Variants in CELF4 observed in about 807,000 individuals in gnomAD.
CELF4 encodes the protein CUGBP Elav-like family member 4, also known as CUG-BP- and ETR-3-like factor 4.
Under a neutral mutation model 59.9 loss-of-function variants are expected in CELF4, and 18 were observed. The ratio of observed to expected loss-of-function variants is 0.30; its 90% CI spans 0.21 to 0.45. CELF4 has a LOEUF of 0.45. Among genes scored for constraint, CELF4 ranks in the 20% least tolerant of loss-of-function variants. CELF4 has a pLI of 1.00. For synonymous variants in CELF4, 261 were observed against 267.1 expected (o/e 0.98, Z 0.22); for missense variants, 456 against 689.0 (o/e 0.66, Z 3.79).
At chr18:37,505,916 A>C (rs2099937320) in intron 1 of CELF4, among the ~76,000 whole-genome samples, 1 of 152,152 alleles carries the variant, frequency 6.6e-6, no homozygotes, top group Admixed American at 6.5e-5. Context: ...ACCACACTGG[A>C]GCAAGTCTTT....
intron 2 of CELF4, among the ~76,000 whole-genome samples, chr18:37,362,352 C>G (rs940759195): frequency 6.6e-6 from 1 of 152,216 alleles, no homozygotes; most frequent in African/African-American, 2.4e-5. Context: ...CATCACTCCC[C>G]GGCGGCAGCC....
At chr18:37,486,579 T>G (rs1468847758) in intron 1 of CELF4, among the ~76,000 whole-genome samples, 1 of 152,200 alleles carries the variant, frequency 6.6e-6, no homozygotes, top group East Asian at 1.9e-4. Flanking sequence ...CCTGCAGATG[T>G]GGCTGAAGGT....
At chr18:37,333,578 G>A (rs930544689) in intron 2 of CELF4, among the ~76,000 whole-genome samples, 14 of 152,062 alleles carry the variant, frequency 9.2e-5, no homozygotes, top group Admixed American at 9.2e-4. Context: ...GGGAGGCCAC[G>A]CCTCATGGAG....
intron 3 of CELF4, among the ~76,000 whole-genome samples, chr18:37,292,313 C>T (rs761684392): frequency 3.3e-5 from 5 of 152,154 alleles, no homozygotes; most frequent in Non-Finnish European, 7.3e-5. Flanking sequence ...CATTCCAGTA[C>T]AGGTACATTT....
At chr18:37,535,046 C>G (rs1439990824) in intron 1 of CELF4, among the ~76,000 whole-genome samples, 7 of 152,198 alleles carry the variant, frequency 4.6e-5, no homozygotes, top group Non-Finnish European at 8.8e-5. Context: ...TTTCCTCACC[C>G]TTGAAGCTGT....
intron 3 of CELF4, among the ~76,000 whole-genome samples, chr18:37,310,653 C>A (rs1000481161): frequency 1.3e-5 from 2 of 152,196 alleles, no homozygotes; most frequent in Non-Finnish European, 2.9e-5. Flanking sequence ...GTCCCTCCCC[C>A]CAATCACCTG....
At chr18:37,456,869 C>T (rs1004064676) in intron 2 of CELF4, among the ~76,000 whole-genome samples, 1 of 152,116 alleles carries the variant, frequency 6.6e-6, no homozygotes, top group Admixed American at 6.5e-5. Context: ...CCTGAGACCA[C>T]ACCTCGGGAA....
intron 3 of CELF4, among the ~76,000 whole-genome samples, chr18:37,282,004 T>TG (rs771320309): frequency 2.2e-4 from 34 of 152,206 alleles, no homozygotes; most frequent in Non-Finnish European, 4.1e-4. Flanking sequence ...TAACTGAGGC[T>TG]GTTTGTCAAA....
At position 37,253,985 on chromosome 18, in the gene CELF4, C is replaced by A; in HGVS notation, c.1334-47G>T. The A allele has an allele frequency of 2.5e-6, 2 of 797,952 alleles. No homozygotes were observed. Among genetic ancestry groups the A allele is most frequent in the South Asian group, 3.8e-5 (2 of 52,074 alleles). 49.4% of individuals were successfully genotyped at this position (797,952 alleles called of 1,614,324 possible). On this transcript the variant is annotated intron_variant, in intron 11 of 12. Coordinates refer to ENST00000420428, the MANE Select transcript of CELF4 (RefSeq NM_020180.4). The surrounding 1 kb of genome is among the most constrained non-coding windows in gnomAD (Gnocchi z 4.5). ...GGGCCTGGGTTTCCACGGGGCCGCC[C>A]GGGGCGCTGCCGGCGGGGAGGGGTC...
intron 3 of CELF4, among the ~76,000 whole-genome samples, chr18:37,301,710 C>T (rs549428136): frequency 2.6e-4 from 40 of 152,208 alleles, no homozygotes; most frequent in Admixed American, 5.2e-4. Flanking sequence ...CTGCTGGGAG[C>T]GTGAAGGCTC....
intron 1 of CELF4, among the ~76,000 whole-genome samples, chr18:37,551,136 G>A (rs887207483): frequency 3.3e-5 from 5 of 152,136 alleles, no homozygotes; most frequent in South Asian, 2.1e-4. Context: ...CACTAGTGAC[G>A]TCCATATCCC....
At chr18:37,356,171 C>G (rs2098560828) in intron 2 of CELF4, among the ~76,000 whole-genome samples, 1 of 152,174 alleles carries the variant, frequency 6.6e-6, no homozygotes, top group South Asian at 2.1e-4. Flanking sequence ...GACCAATGGA[C>G]AGAACCACCA....
intron 1 of CELF4, among the ~76,000 whole-genome samples, chr18:37,557,576 C>T (rs1603644149): frequency 1.3e-5 from 2 of 152,220 alleles, no homozygotes. Flanking sequence ...AACCTTTGAT[C>T]TGTAGCCACT....
intron 1 of CELF4, among the ~76,000 whole-genome samples, chr18:37,493,826 C>T (rs767431386): frequency 2.0e-5 from 3 of 152,188 alleles, no homozygotes; most frequent in African/African-American, 4.8e-5. Flanking sequence ...TCCAGAGTCT[C>T]CTCTCTTTAA....
chr18:37,505,343 G>T (rs1010874282), intron 1 of CELF4, among the ~76,000 whole-genome samples: 1 of 152,108 alleles, frequency 6.6e-6, no homozygotes, highest in Non-Finnish European at 1.5e-5. Flanking sequence ...TTGCATCTCC[G>T]CTTAGATTCC....
In CELF4 at chr18:37,246,412, G is replaced by A. The variant is rs982486593; in HGVS notation, c.*45-1215C>T. On this transcript the variant is annotated intron_variant, in intron 12 of 12. Coordinates refer to ENST00000420428, the MANE Select transcript of CELF4 (RefSeq NM_020180.4). This position sits in a 1 kb window ranked among gnomAD's most constrained non-coding sequence, Gnocchi z 5.3. The stretch of plus-strand genomic sequence containing the variant: ...CAAACCAACCAAAAAAAACCCTCCC[G>A]AGCCCCCAGTCCCCAGCCTCCCCTC... 2.5e-4 allele frequency among the ~76,000 whole-genome samples: 38 copies of A among 151,664 alleles called. No individual in the cohort carries two copies. The highest frequency in any genetic ancestry group is 4.6e-4 in the Non-Finnish European group (31 of 67,946).
chr18:37,482,149 C>T (rs992158516), intron 2 of CELF4, among the ~76,000 whole-genome samples: 7 of 152,208 alleles, frequency 4.6e-5, no homozygotes, highest in African/African-American at 1.7e-4. Flanking sequence ...TGGTGGTCAA[C>T]TCCAAGCGGG....
chr18:37,321,763 AGAGGGG>A, intron 3 of CELF4, 34 bp downstream of exon 3: 10 of 1,425,700 alleles, frequency 7.0e-6, no homozygotes, highest in East Asian at 2.3e-5. Context: ...GGGAGGAGTG[AGAGGGG>A]GAGGGGGAGG....
At chr18:37,562,515 T>C (rs1022157876) in intron 1 of CELF4, among the ~76,000 whole-genome samples, 1 of 152,148 alleles carries the variant, frequency 6.6e-6, no homozygotes, top group African/African-American at 2.4e-5. Flanking sequence ...AAATATGCCC[T>C]GAAACCAGGC....
Sources: allele counts gnomAD v4.1 joint callset (sites outside exome capture counted in the v4.1 genomes callset), GRCh38; gene constraint gnomAD v4.1.1; non-coding constraint Gnocchi (gnomAD v3.1); transcripts MANE v1.5; gene names NCBI Gene and HGNC (gene_info 2026-07-23, HGNC 2026-07-21).